ZFYVE9: variants seen among roughly 807,000 people sequenced by gnomAD.
The protein encoded by ZFYVE9 is zinc finger FYVE domain-containing protein 9.
In ZFYVE9, 43 loss-of-function variants were observed where a neutral mutation model predicts 126.7. The observed-to-expected ratio is 0.34, with a 90% confidence interval of 0.27 to 0.44. The LOEUF (loss-of-function observed/expected upper bound fraction) is 0.44, where lower values mean the gene tolerates loss of function less well. ZFYVE9 is among the 20% of genes least tolerant of loss of function. ZFYVE9 has a pLI of 1.00. For synonymous variants in ZFYVE9, 521 were observed against 597.4 expected (o/e 0.87, Z 1.87); for missense variants, 1,476 against 1,697.0 (o/e 0.87, Z 2.29).
intron 17 of ZFYVE9, among the ~76,000 whole-genome samples, chr1:52,340,676 G>T (rs892633824): frequency 6.6e-6 from 1 of 151,744 alleles, no homozygotes; most frequent in African/African-American, 2.4e-5. Flanking sequence ...GAGGTGGGTG[G>T]ATCACTTGAG....
intron 1 of ZFYVE9, among the ~76,000 whole-genome samples, chr1:52,214,010 C>G (rs1645050424): frequency 6.6e-6 from 1 of 152,122 alleles, no homozygotes; most frequent in Non-Finnish European, 1.5e-5. Flanking sequence ...TCCCCTTCAT[C>G]CTGCAGGGGT....
chr1:52,177,603 T>C (rs1248295591), intron 1 of ZFYVE9, among the ~76,000 whole-genome samples: 1 of 152,216 alleles, frequency 6.6e-6, no homozygotes, highest in Non-Finnish European at 1.5e-5. Flanking sequence ...AAGGCAAATA[T>C]GTAAATGAGT....
At chr1:52,207,473 G>T (rs567226742) in intron 1 of ZFYVE9, among the ~76,000 whole-genome samples, 4 of 152,308 alleles carry the variant, frequency 2.6e-5, no homozygotes, top group African/African-American at 9.6e-5. Flanking sequence ...TTGAAGCCCT[G>T]TGTGAATGTG....
chr1:52,276,308 T>A (rs1054260046), intron 8 of ZFYVE9, among the ~76,000 whole-genome samples: 1 of 152,204 alleles, frequency 6.6e-6, no homozygotes, highest in Admixed American at 6.5e-5. Context: ...TACTGCAGAT[T>A]ATTTGCTATT....
At chr1:52,231,916 G>A (rs1205039905) in intron 2 of ZFYVE9, among the ~76,000 whole-genome samples, 5 of 152,196 alleles carry the variant, frequency 3.3e-5, no homozygotes, top group South Asian at 2.1e-4. Flanking sequence ...CATGAGCCAC[G>A]ACGCCTGGCC....
intron 2 of ZFYVE9, among the ~76,000 whole-genome samples, chr1:52,223,551 A>G (rs1460089659): frequency 6.6e-6 from 1 of 152,150 alleles, no homozygotes; most frequent in African/African-American, 2.4e-5. Context: ...TGTCTGGCCA[A>G]CTATTGGTGA....
chr1:52,289,618 A>G (rs978336018), intron 10 of ZFYVE9, among the ~76,000 whole-genome samples: 1 of 152,216 alleles, frequency 6.6e-6, no homozygotes, highest in East Asian at 1.9e-4. Context: ...TATGAATTCA[A>G]GAGCTTCAGA....
chr1:52,248,290 A>C (rs1230860944), intron 4 of ZFYVE9, among the ~76,000 whole-genome samples: 1 of 152,184 alleles, frequency 6.6e-6, no homozygotes, highest in Non-Finnish European at 1.5e-5. Context: ...CTGGAGTCTG[A>C]TGTACATGGG....
At chr1:52,338,039 C>T (rs1293801550) in intron 16 of ZFYVE9, 105 bp downstream of exon 16, 2 of 1,363,736 alleles carry the variant, frequency 1.5e-6, no homozygotes, top group Admixed American at 2.7e-5. Flanking sequence ...GAAAGCCCTG[C>T]CTAAGAGAAA....
In ZFYVE9 at chr1:52,239,422, C is replaced by T. The variant is rs1645311548; in HGVS notation, c.2005C>T (p.Pro669Ser). The T allele has an allele frequency of 1.2e-6, 2 of 1,613,974 alleles. No homozygotes were observed. Among genetic ancestry groups the T allele is most frequent in the African/African-American group, 1.3e-5 (1 of 74,896 alleles). ...RPCLALAPDS[P>S]DNDLRAGQFG... Reference sequence around the variant, plus strand: ...ATGCCTTGCATTAGCTCCAGATAGCCCAGATAATGATCTCAGAGCTGGTCA... The same window carrying T: ...ATGCCTTGCATTAGCTCCAGATAGCTCAGATAATGATCTCAGAGCTGGTCA... The change falls in exon 4 of 19, where the codon CCA (proline) becomes TCA (serine). Residue 669 changes from proline to serine, a missense_variant. Around this residue, in one of 2 missense-constraint regions of ZFYVE9, gnomAD observed 807 missense variants for 794.6 expected, o/e 1.02. Transcript: ENST00000287727.
chr1:52,201,202 G>T (rs1557453537), intron 1 of ZFYVE9, among the ~76,000 whole-genome samples: 1 of 151,984 alleles, frequency 6.6e-6, no homozygotes, highest in African/African-American at 2.4e-5. Context: ...AACATATTGT[G>T]TTATATTTAT....
rs1442924238 is a variant in ZFYVE9 at position 52,249,191 on chromosome 1, T to C, written c.2178+9596T>C. On this transcript the variant is annotated intron_variant, in intron 4 of 18. Transcript: ENST00000287727. Reference sequence around the variant, plus strand: ...AGTTTCCTGGGGCCTTCCAGTCATGTTCCCTGTTAAGTCTGTGGAACTGTG... The same window carrying C: ...AGTTTCCTGGGGCCTTCCAGTCATGCTCCCTGTTAAGTCTGTGGAACTGTG... 2.6e-5 allele frequency among the ~76,000 whole-genome samples: 4 copies of C among 152,200 alleles called. No homozygotes were observed. The East Asian group carries it at 5.8e-4, about 22-fold the overall frequency.
In ZFYVE9 at chr1:52,309,996, C is replaced by G. The variant is rs139593786; in HGVS notation, c.3438+6071C>G. Among the ~76,000 whole-genome samples, 251 of 152,228 alleles carry G rather than the reference C, an allele frequency of 1.6e-3. 2 individuals are homozygous for G. The highest frequency in any genetic ancestry group is 5.7e-3 in the African/African-American group (237 of 41,536). Reference sequence around the variant, plus strand: ...TGTATTTTTTTGAGACAGAGTCTTGCTCTCGCTCTGTTGCCCAGCTGGAGT... The same window carrying G: ...TGTATTTTTTTGAGACAGAGTCTTGGTCTCGCTCTGTTGCCCAGCTGGAGT... On this transcript the variant is annotated intron_variant, in intron 13 of 18. Transcript: ENST00000287727.
At chr1:52,296,197 A>G (rs1272482520) in intron 12 of ZFYVE9, among the ~76,000 whole-genome samples, 1 of 151,870 alleles carries the variant, frequency 6.6e-6, no homozygotes, top group Non-Finnish European at 1.5e-5. Context: ...ACACACACAT[A>G]TATATATTCT....
At chr1:52,281,438 C>T (rs375070717) in intron 9 of ZFYVE9, among the ~76,000 whole-genome samples, 5 of 152,126 alleles carry the variant, frequency 3.3e-5, no homozygotes, top group African/African-American at 4.8e-5. Flanking sequence ...CGTCCTCAAT[C>T]ATTTTTCCAA....
At chr1:52,250,855 C>A (rs912888560) in intron 4 of ZFYVE9, among the ~76,000 whole-genome samples, 2 of 151,846 alleles carry the variant, frequency 1.3e-5, no homozygotes, top group South Asian at 4.2e-4. Context: ...GACTAACAGG[C>A]GTGCACTACC....
chr1:52,253,804 C>T (rs1645475531), intron 4 of ZFYVE9: 3 of 1,593,378 alleles, frequency 1.9e-6, no homozygotes, highest in South Asian at 1.1e-5. Context: ...CTCCCAGCCT[C>T]ATTTAGTGAA....
At chr1:52,268,405 T>C (rs1364833097) in intron 6 of ZFYVE9, 58 bp from the exon 7 acceptor site, 24 of 1,550,656 alleles carry the variant, frequency 1.5e-5, no homozygotes, top group Admixed American at 1.1e-4. Flanking sequence ...TCTTCTTTGA[T>C]GTTAGAAAAC....
intron 4 of ZFYVE9, among the ~76,000 whole-genome samples, chr1:52,244,464 T>G (rs1319591700): frequency 1.3e-5 from 2 of 152,148 alleles, no homozygotes; most frequent in Non-Finnish European, 2.9e-5. Context: ...AAGTTAGTGG[T>G]GAGAGCATGA....
Sources: gnomAD v4.1 joint callset for allele counts (sites outside exome capture counted in the v4.1 genomes callset) on GRCh38, gnomAD v4.1.1 for gene constraint, gnomAD v4.1.1 regional missense constraint, MANE v1.5 for transcripts, NCBI Gene and HGNC (gene_info 2026-07-23, HGNC 2026-07-21) for gene names.